USP6NL: variants seen among roughly 807,000 people sequenced by gnomAD.
USP6NL encodes the protein USP6 N-terminal-like protein.
Under a neutral mutation model 61.9 loss-of-function variants are expected in USP6NL, and 26 were observed. That is an observed-to-expected ratio of 0.42 (90% CI 0.31 to 0.58). The LOEUF is 0.58. USP6NL is among the 20% of genes least tolerant of loss of function. The pLI is 0.16. For synonymous variants in USP6NL, 432 were observed against 390.1 expected, an observed-to-expected ratio of 1.11 and a Z score of -1.27; for missense variants, 1,114 against 1,034.3, an observed-to-expected ratio of 1.08 and a Z score of -1.06.
chr10:11,569,965 T>G (rs766723744), intron 2 of USP6NL, among the ~76,000 whole-genome samples: 3 of 152,174 alleles, frequency 2.0e-5, no homozygotes, highest in African/African-American at 7.2e-5. Context: ...ACTTAACAAT[T>G]TGCAGCTTTC....
rs559895138 is a variant in USP6NL, at chr10:11,503,346, T to A, written c.277-2138A>T. Reference sequence around the variant, plus strand: ...GTCTTCAGATATTATTTTGTTGCTGTTGCTCAATTCTGTACTCAATAATTG... The same window carrying A: ...GTCTTCAGATATTATTTTGTTGCTGATGCTCAATTCTGTACTCAATAATTG... On this transcript the variant is annotated intron_variant, in intron 6 of 14. Coordinates refer to ENST00000609104, the MANE Select transcript of USP6NL (RefSeq NM_014688.5). Among the ~76,000 whole-genome samples, 148 of 152,344 alleles carry A rather than the reference T, an allele frequency of 9.7e-4. 1 individual carries two copies. The highest frequency in any genetic ancestry group is 6.6e-4 in the Non-Finnish European group (45 of 68,032).
chr10:11,607,972 TAAA>T (rs1400845634), intron 1 of USP6NL, among the ~76,000 whole-genome samples: 1 of 152,212 alleles, frequency 6.6e-6, no homozygotes, highest in East Asian at 1.9e-4. Context: ...TAAGAACACT[TAAA>T]AACAAGATAT....
chr10:11,537,589 G>A lies in USP6NL; in HGVS notation c.5-10022C>T, dbSNP rs991497982. Among the ~76,000 whole-genome samples the A allele has an allele frequency of 3.3e-5, 5 of 152,132 alleles. No homozygotes were observed. Among genetic ancestry groups the A allele is most frequent in the African/African-American group, 1.2e-4 (5 of 41,386 alleles). ...ATTACCATTATTTCCACTGTATCATGCTTCAAATTAATACTTTTTTATTTT... is the reference window on the plus strand; with the variant it reads ...ATTACCATTATTTCCACTGTATCATACTTCAAATTAATACTTTTTTATTTT... On this transcript the variant is annotated intron_variant, in intron 2 of 14. Coordinates refer to ENST00000609104, the MANE Select transcript of USP6NL (RefSeq NM_014688.5). The surrounding 1 kb of genome is among the most constrained non-coding windows in gnomAD (Gnocchi z 5.1).
chr10:11,517,959 C>A (rs1376461365), intron 5 of USP6NL, among the ~76,000 whole-genome samples: 2 of 152,182 alleles, frequency 1.3e-5, no homozygotes, highest in African/African-American at 4.8e-5. Flanking sequence ...AAACGCATGC[C>A]TGGGTGTGGA....
chr10:11,608,705 C>G (rs1838784569), intron 1 of USP6NL, among the ~76,000 whole-genome samples: 1 of 152,198 alleles, frequency 6.6e-6, no homozygotes, highest in Admixed American at 6.5e-5. Flanking sequence ...AAGTACCTAA[C>G]ACAAAGTCCT....
intron 10 of USP6NL, among the ~76,000 whole-genome samples, chr10:11,486,999 A>T (rs1833497362): frequency 3.9e-5 from 6 of 152,146 alleles, no homozygotes. Flanking sequence ...TTCCAGAGAC[A>T]GAAATTCTAT....
At position 11,490,888 on chromosome 10, in the gene USP6NL, A is replaced by C; in HGVS notation, c.495-8T>G. ...TGGAATAAGGATTGTTGCCTAGAGAAAAAAATTTACATTAAATACAATTTA... is the reference window on the plus strand; with the variant it reads ...TGGAATAAGGATTGTTGCCTAGAGACAAAAATTTACATTAAATACAATTTA... On this transcript the variant is annotated splice_polypyrimidine_tract_variant and splice_region_variant and intron_variant, in intron 8 of 14. Transcript: ENST00000609104. The surrounding 1 kb of genome is among the most constrained non-coding windows in gnomAD (Gnocchi z 4.5). 6 of 1,526,542 alleles carry C rather than the reference A, an allele frequency of 3.9e-6. No homozygotes were observed. Among genetic ancestry groups the C allele is most frequent in the Non-Finnish European group, 5.3e-6 (6 of 1,140,582 alleles). The allele number at this position is 1,526,542 out of a possible 1,614,324, so 94.6% of individuals were successfully genotyped here. A position where few individuals can be genotyped will look rare whatever the true frequency, so the allele number is the denominator to read the frequency against.
At chr10:11,516,295 C>T (rs1380462508) in intron 5 of USP6NL, among the ~76,000 whole-genome samples, 1 of 152,206 alleles carries the variant, frequency 6.6e-6, no homozygotes, top group African/African-American at 2.4e-5. Context: ...CACTAGTGTA[C>T]AAGTCTTCCC....
chr10:11,504,019 A>C (rs964514543), intron 6 of USP6NL, among the ~76,000 whole-genome samples: 3 of 152,210 alleles, frequency 2.0e-5, no homozygotes, highest in Non-Finnish European at 4.4e-5. Flanking sequence ...TAATGATAAT[A>C]TAATTACACC....
rs1379847649 is a variant in USP6NL at position 11,585,008 on chromosome 10, T to A, written c.4+12623A>T. 6.6e-6 allele frequency among the ~76,000 whole-genome samples: 1 copy of A among 152,182 alleles called. No homozygotes were observed. The highest frequency in any genetic ancestry group is 2.4e-5 in the African/African-American group (1 of 41,444). On this transcript the variant is annotated intron_variant, in intron 2 of 14. Transcript: ENST00000609104. The surrounding 1 kb of genome is among the most constrained non-coding windows in gnomAD (Gnocchi z 4.5). ...AATATATAAAAGCTACACTGCTTCA[T>A]AATAAATTTTTGGAAGGTGCAAAAG...
Position 11,574,898 on chromosome 10 carries a change from C to T in USP6NL, c.4+22733G>A, listed in dbSNP as rs1281789258. Among the ~76,000 whole-genome samples, 3 of 152,244 alleles carry T rather than the reference C, an allele frequency of 2.0e-5. No individual in the cohort carries two copies. Among genetic ancestry groups the T allele is most frequent in the Admixed American group, 6.5e-5 (1 of 15,290 alleles). On this transcript the variant is annotated intron_variant, in intron 2 of 14. Coordinates refer to ENST00000609104, the MANE Select transcript of USP6NL (RefSeq NM_014688.5). This position sits in a 1 kb window ranked among gnomAD's most constrained non-coding sequence, Gnocchi z 4.3. ...CTTCTGCTTTCTCTCCAGCAAGCACCGTCTGTAAAAATGTCTAGTTTTAAA... is the reference window on the plus strand; with the variant it reads ...CTTCTGCTTTCTCTCCAGCAAGCACTGTCTGTAAAAATGTCTAGTTTTAAA...
At position 11,585,440 on chromosome 10, in the gene USP6NL, A is replaced by G. The variant is rs1464659336; in HGVS notation, c.4+12191T>C. ...TAATTCGCAACAGCCAAAAGGTGGA[A>G]GCACGAGGTCAGGAGATTGAGACCA... On this transcript the variant is annotated intron_variant, in intron 2 of 14. Transcript: ENST00000609104. This position sits in a 1 kb window ranked among gnomAD's most constrained non-coding sequence, Gnocchi z 4.5. Among the ~76,000 whole-genome samples the G allele has an allele frequency of 6.6e-6, 1 of 152,192 alleles. No homozygotes were observed. Among genetic ancestry groups the G allele is most frequent in the African/African-American group, 2.4e-5 (1 of 41,446 alleles).
Position 11,463,241 on chromosome 10 carries a change from C to T in USP6NL, c.1687G>A (p.Ala563Thr), listed in dbSNP as rs2096224708. 2 of 1,613,398 alleles carry T rather than the reference C, an allele frequency of 1.2e-6. No homozygotes were observed. Among genetic ancestry groups the T allele is most frequent in the Admixed American group, 1.7e-5 (1 of 60,006 alleles). ...CTTTCCAGCGCCTCCTCCACGGAAG[C>T]GCCGCTGTCCAGCTCCGGGCCTGGC... ...NVPGPELDSG[A>T]SVEEALERAY... Residue 563 changes from alanine (A) to threonine (T), a missense_variant, in exon 15 of 15, where the codon GCT becomes ACT. Coordinates refer to ENST00000609104, the MANE Select transcript of USP6NL (RefSeq NM_014688.5). The surrounding 1 kb of genome is among the most constrained non-coding windows in gnomAD (Gnocchi z 6.3).
Position 11,476,895 on chromosome 10 carries a change from G to T in USP6NL, c.1078+4875C>A, listed in dbSNP as rs767830210. ...TTTATTATTATTATTTTTTCAAGAC[G>T]GAGTCTTGCTCTGTCACCCAGGCTG... On this transcript the variant is annotated intron_variant, in intron 14 of 14. Coordinates refer to ENST00000609104, the MANE Select transcript of USP6NL (RefSeq NM_014688.5). The surrounding 1 kb of genome is among the most constrained non-coding windows in gnomAD (Gnocchi z 4.3). Among the ~76,000 whole-genome samples, 2 of 110,610 alleles carry T rather than the reference G, an allele frequency of 1.8e-5. No homozygotes were observed. Among genetic ancestry groups the T allele is most frequent in the Non-Finnish European group, 4.5e-5 (2 of 44,924 alleles). The allele number at this position is 110,610 out of a possible 152,430, so 72.6% of individuals were successfully genotyped here.
intron 2 of USP6NL, among the ~76,000 whole-genome samples, chr10:11,531,707 A>C (rs1835669626): frequency 6.6e-6 from 1 of 152,108 alleles, no homozygotes; most frequent in Non-Finnish European, 1.5e-5. Context: ...AGCCAAATTA[A>C]ATCAAATTAT....
intron 1 of USP6NL, among the ~76,000 whole-genome samples, chr10:11,605,902 T>G (rs1450814148): frequency 6.6e-6 from 1 of 152,182 alleles, no homozygotes; most frequent in Non-Finnish European, 1.5e-5. Flanking sequence ...TAACATTGTA[T>G]AACTGAGCTC....
intron 2 of USP6NL, among the ~76,000 whole-genome samples, chr10:11,549,561 C>G (rs971110959): frequency 6.6e-6 from 1 of 152,100 alleles, no homozygotes; most frequent in Non-Finnish European, 1.5e-5. Flanking sequence ...CAAAGAGCAC[C>G]CTAAGCAGCT....
intron 5 of USP6NL, among the ~76,000 whole-genome samples, chr10:11,512,298 C>T (rs1454992686): frequency 6.6e-6 from 1 of 152,186 alleles, no homozygotes; most frequent in African/African-American, 2.4e-5. Flanking sequence ...AGCATCACTA[C>T]CCACTAAGCC....
chr10:11,550,255 A>G (rs1488334535), intron 2 of USP6NL, among the ~76,000 whole-genome samples: 1 of 152,212 alleles, frequency 6.6e-6, no homozygotes, highest in African/African-American at 2.4e-5. Flanking sequence ...ACAAACTAGA[A>G]AAGCTGATAA....
Sources: allele counts gnomAD v4.1 joint callset (sites outside exome capture counted in the v4.1 genomes callset), GRCh38; gene constraint gnomAD v4.1.1; non-coding constraint Gnocchi (gnomAD v3.1); transcripts MANE v1.5; gene names NCBI Gene and HGNC (gene_info 2026-07-23, HGNC 2026-07-21).